TLN2: variants seen among roughly 807,000 people sequenced by gnomAD.
TLN2 encodes talin-2.
In TLN2, 118 loss-of-function variants were observed where a neutral mutation model predicts 294.7. The ratio of observed to expected loss-of-function variants is 0.40; its 90% CI spans 0.34 to 0.47. The LOEUF (loss-of-function observed/expected upper bound fraction) is 0.47, where lower values mean the gene tolerates loss of function less well. Among genes scored for constraint, TLN2 ranks in the 20% least tolerant of loss-of-function variants. TLN2 has a pLI of 0.84. For synonymous variants in TLN2, 1,431 were observed against 1,304.5 expected, an observed-to-expected ratio of 1.10 and a Z score of -2.09; for missense variants, 3,083 against 3,282.2, an observed-to-expected ratio of 0.94 and a Z score of 1.48.
At chr15:62,564,701 G>T (rs1265253076) in intron 1 of TLN2, among the ~76,000 whole-genome samples, 1 of 152,022 alleles carries the variant, frequency 6.6e-6, no homozygotes, top group Non-Finnish European at 1.5e-5. Context: ...GAGGCCAGGA[G>T]TTCGAGACCA....
chr15:62,682,304 TG>T (rs1414770831), intron 11 of TLN2, among the ~76,000 whole-genome samples: 1 of 152,250 alleles, frequency 6.6e-6, no homozygotes, highest in Non-Finnish European at 1.5e-5. Flanking sequence ...TCTTGGTTTT[TG>T]TTTTTAATTT....
At chr15:62,579,095 C>G (rs577758543) in intron 1 of TLN2, among the ~76,000 whole-genome samples, 1 of 152,102 alleles carries the variant, frequency 6.6e-6, no homozygotes, top group Non-Finnish European at 1.5e-5. Context: ...AGGAGGGAAA[C>G]AAGGCTGAGG....
chr15:62,582,219 C>CACACACACACACACACAT lies in TLN2; in HGVS notation c.-237-7451_-237-7450insTACACACACACACACACA, dbSNP rs1555435621. Among the ~76,000 whole-genome samples the CACACACACACACACACAT allele has an allele frequency of 1.9e-3, 251 of 135,388 alleles. 6 individuals are homozygous for CACACACACACACACACAT. Among genetic ancestry groups the CACACACACACACACACAT allele is most frequent in the Middle Eastern group, 0.011 (3 of 280 alleles). The allele number at this position is 135,388 out of a possible 152,430, so 88.8% of individuals were successfully genotyped here. On this transcript the variant is annotated intron_variant, in intron 1 of 58. Coordinates refer to ENST00000636159, the MANE Select transcript of TLN2 (RefSeq NM_015059.3). ...ATACACACACACACACACACACACACACACACACACACACACACACACACA... is the reference window on the plus strand; with the variant it reads ...ATACACACACACACACACACACACACACACACACACACACACATACACACACACACACACACACACACA...
intron 1 of TLN2, among the ~76,000 whole-genome samples, chr15:62,457,263 A>AGAGCGTGC (rs1438605559): frequency 6.6e-6 from 1 of 152,174 alleles, no homozygotes; most frequent in Non-Finnish European, 1.5e-5. Context: ...CGAGAGAGGG[A>AGAGCGTGC]GAGCGTGCGA....
intron 14 of TLN2, among the ~76,000 whole-genome samples, chr15:62,696,064 A>T (rs1242346552): frequency 6.6e-6 from 1 of 152,228 alleles, no homozygotes; most frequent in Admixed American, 6.5e-5. Context: ...CTGAGATCTC[A>T]GAATGCAACT....
At position 62,815,177 on chromosome 15, in the gene TLN2, TCACACACACACACACA is replaced by T. The variant is rs3055852; in HGVS notation, c.6772-4299_6772-4284del. ...AAACTGGAGATTTTTATTCTGTCTG[TCACACACACACACACA>T]CACACACACACACACACACACACAC... is the stretch of plus-strand genomic sequence containing the variant. On this transcript the variant is annotated intron_variant, in intron 52 of 58. Transcript: ENST00000636159. Among the ~76,000 whole-genome samples, 204 of 140,686 alleles carry T rather than the reference TCACACACACACACACA, an allele frequency of 1.5e-3. 2 individuals carry two copies. The highest frequency in any genetic ancestry group is 3.6e-3 in the African/African-American group (132 of 36,368). 92.3% of individuals were successfully genotyped at this position (140,686 alleles called of 152,430 possible). A position where few individuals can be genotyped will look rare whatever the true frequency, so the allele number is the denominator to read the frequency against.
At chr15:62,642,373 A>G (rs1441318822) in intron 3 of TLN2, among the ~76,000 whole-genome samples, 1 of 152,256 alleles carries the variant, frequency 6.6e-6, no homozygotes, top group Non-Finnish European at 1.5e-5. Context: ...AGTTTCACGC[A>G]GTCAAACTAG....
chr15:62,681,299 AAGTT>A (rs960420412), intron 11 of TLN2, among the ~76,000 whole-genome samples: 2 of 152,222 alleles, frequency 1.3e-5, no homozygotes, highest in African/African-American at 4.8e-5. Flanking sequence ...AGTAAATTAA[AAGTT>A]AGTAATTCCA....
intron 32 of TLN2, among the ~76,000 whole-genome samples, chr15:62,746,992 A>G (rs1268640863): frequency 6.6e-6 from 1 of 152,208 alleles, no homozygotes; most frequent in African/African-American, 2.4e-5. Flanking sequence ...AACATTGACC[A>G]TGTAGATCAG....
intron 11 of TLN2, among the ~76,000 whole-genome samples, chr15:62,682,287 A>C (rs1168723148): frequency 6.6e-6 from 1 of 152,230 alleles, no homozygotes; most frequent in Admixed American, 6.5e-5. Context: ...CTCGCACAAA[A>C]TATTCCTCTT....
chr15:62,564,230 C>A (rs2043204250), intron 1 of TLN2, among the ~76,000 whole-genome samples: 1 of 152,164 alleles, frequency 6.6e-6, no homozygotes, highest in African/African-American at 2.4e-5. Flanking sequence ...GCCTCAGCCT[C>A]AGGCCTTCAG....
At chr15:62,604,007 G>C (rs921069038) in intron 2 of TLN2, among the ~76,000 whole-genome samples, 1 of 152,186 alleles carries the variant, frequency 6.6e-6, no homozygotes, top group East Asian at 1.9e-4. Context: ...TCATAAATGG[G>C]TGTGGCTGTG....
At chr15:62,644,008 A>G (rs1596470451) in intron 3 of TLN2, among the ~76,000 whole-genome samples, 2 of 152,118 alleles carry the variant, frequency 1.3e-5, no homozygotes, top group East Asian at 3.9e-4. Context: ...TTGGATTACA[A>G]AGTCTTAAAA....
At chr15:62,491,334 AAAAAT>A (rs1031789603) in intron 1 of TLN2, among the ~76,000 whole-genome samples, 1 of 66,174 alleles carries the variant, frequency 1.5e-5, no homozygotes, top group African/African-American at 6.3e-5. Flanking sequence ...CTCAAAAAAA[AAAAAT>A]ATATATATAT....
intron 3 of TLN2, among the ~76,000 whole-genome samples, chr15:62,639,616 G>T (rs2050777611): frequency 6.6e-6 from 1 of 152,184 alleles, no homozygotes. Flanking sequence ...AACTCTCCTG[G>T]TCCTATTCTA....
chr15:62,424,275 C>T (rs185570197), intron 1 of TLN2, among the ~76,000 whole-genome samples: 11 of 152,262 alleles, frequency 7.2e-5, no homozygotes, highest in African/African-American at 2.4e-4. Context: ...CTGTACCCTA[C>T]GCTCCCTTTG....
intron 9 of TLN2, 155 bp downstream of exon 9, chr15:62,658,053 C>T (rs917378658): frequency 2.9e-6 from 2 of 696,468 alleles, no homozygotes; most frequent in South Asian, 2.7e-5. Context: ...ACCAAATTTG[C>T]AGATTTTGGG....
intron 1 of TLN2, among the ~76,000 whole-genome samples, chr15:62,458,815 G>A (rs996648333): frequency 2.0e-5 from 3 of 151,912 alleles, no homozygotes; most frequent in African/African-American, 7.3e-5. Flanking sequence ...GCTTGAGTGC[G>A]ACTCTCCTTG....
chr15:62,514,920 C>T (rs890117655), intron 1 of TLN2, among the ~76,000 whole-genome samples: 6 of 152,110 alleles, frequency 3.9e-5, no homozygotes, highest in African/African-American at 1.4e-4. Flanking sequence ...AAAAATATAA[C>T]TCACTTACAC....
Sources: allele counts gnomAD v4.1 joint callset (sites outside exome capture counted in the v4.1 genomes callset), GRCh38; gene constraint gnomAD v4.1.1; transcripts MANE v1.5; gene names NCBI Gene and HGNC (gene_info 2026-07-23, HGNC 2026-07-21).